Variants in MAP2 observed in about 807,000 individuals in gnomAD.
MAP2 encodes the protein microtubule associated protein 2.
Under a neutral mutation model 137.6 loss-of-function variants are expected in MAP2, and 14 were observed. The observed-to-expected ratio is 0.10, with a 90% confidence interval of 0.07 to 0.16. The LOEUF is 0.16. Ranked by LOEUF, MAP2 falls within the 10% of genes least tolerant of loss-of-function variation. MAP2 has a pLI of 1.00. For synonymous variants in MAP2, 786 were observed against 782.3 expected, an observed-to-expected ratio of 1.00 and a Z score of -0.08; for missense variants, 2,088 against 2,191.5, an observed-to-expected ratio of 0.95 and a Z score of 0.94.
chr2:209,529,421 T>G (rs1051401529), intron 2 of MAP2, among the ~76,000 whole-genome samples: 2 of 152,176 alleles, frequency 1.3e-5, no homozygotes, highest in Non-Finnish European at 2.9e-5. Context: ...AGATGGTAAC[T>G]GAACCTGTCA....
Position 209,604,655 on chromosome 2 carries a change from A to G in MAP2, c.-106-20398A>G, listed in dbSNP as rs78623261. Among the ~76,000 whole-genome samples the G allele has an allele frequency of 5.1e-4, 78 of 152,298 alleles. 2 individuals carry two copies. The East Asian group carries it at 0.014, about 28-fold the overall frequency. ...AGTCTGTTTTATGGAGGTCTTTTCA[A>G]ATTGTACACATAGGCAGGCCCAAAC... is the stretch of plus-strand genomic sequence containing the variant. On this transcript the variant is annotated intron_variant, in intron 3 of 15. Coordinates refer to ENST00000682079, the MANE Select transcript of MAP2 (RefSeq NM_001375505.1).
At chr2:209,495,686 C>A (rs1239739872) in intron 1 of MAP2, among the ~76,000 whole-genome samples, 1 of 152,216 alleles carries the variant, frequency 6.6e-6, no homozygotes, top group Non-Finnish European at 1.5e-5. Context: ...AAAATAGTAT[C>A]TGCTGTGTTT....
At chr2:209,630,704 A>C (rs577869521) in intron 4 of MAP2, among the ~76,000 whole-genome samples, 2 of 152,096 alleles carry the variant, frequency 1.3e-5, no homozygotes, top group Non-Finnish European at 2.9e-5. Flanking sequence ...TTAGAAGAGC[A>C]GGGAGTATAG....
At chr2:209,435,377 G>A (rs1366166881) in intron 1 of MAP2, among the ~76,000 whole-genome samples, 2 of 151,800 alleles carry the variant, frequency 1.3e-5, no homozygotes, top group Non-Finnish European at 2.9e-5. Flanking sequence ...ATGAGTGTGT[G>A]TAGGTTTGGA....
intron 7 of MAP2, among the ~76,000 whole-genome samples, chr2:209,688,871 A>C (rs2057981762): frequency 6.6e-6 from 1 of 152,242 alleles, no homozygotes; most frequent in Non-Finnish European, 1.5e-5. Flanking sequence ...TGGTCATCAT[A>C]ATAAACGTCT....
chr2:209,498,147 A>C (rs1005549643), intron 1 of MAP2, among the ~76,000 whole-genome samples: 2 of 152,222 alleles, frequency 1.3e-5, no homozygotes, highest in African/African-American at 4.8e-5. Flanking sequence ...TTGATATTCC[A>C]AAAGGAAGAA....
At chr2:209,447,210 T>A (rs1699282274) in intron 1 of MAP2, among the ~76,000 whole-genome samples, 1 of 152,004 alleles carries the variant, frequency 6.6e-6, no homozygotes, top group African/African-American at 2.4e-5. Context: ...CAAGTGACAT[T>A]TCATTAAATT....
At chr2:209,467,887 A>G (rs1704551950) in intron 1 of MAP2, among the ~76,000 whole-genome samples, 1 of 152,190 alleles carries the variant, frequency 6.6e-6, no homozygotes, top group Non-Finnish European at 1.5e-5. Flanking sequence ...TGGTATGACG[A>G]TTATATTAAA....
intron 1 of MAP2, among the ~76,000 whole-genome samples, chr2:209,434,439 T>C (rs1695155327): frequency 6.6e-6 from 1 of 151,972 alleles, no homozygotes; most frequent in Non-Finnish European, 1.5e-5. Context: ...TGTTTAAGCC[T>C]CTTTCCTTGA....
At position 209,583,514 on chromosome 2, in the gene MAP2, A is replaced by G. The variant is rs1400722931; in HGVS notation, c.-107+3414A>G. On this transcript the variant is annotated intron_variant, in intron 3 of 15. Coordinates refer to ENST00000682079, the MANE Select transcript of MAP2 (RefSeq NM_001375505.1). ...TTTAAAGTGAAATAATGGCAGAAGAATGTTCAAGTGACCAAAATAAAGAAA... is the reference window on the plus strand; with the variant it reads ...TTTAAAGTGAAATAATGGCAGAAGAGTGTTCAAGTGACCAAAATAAAGAAA... Among the ~76,000 whole-genome samples the G allele has an allele frequency of 2.0e-5, 3 of 152,008 alleles. No homozygotes were observed. In the East Asian group the frequency reaches 5.8e-4, roughly 29 times the overall value.
intron 2 of MAP2, among the ~76,000 whole-genome samples, chr2:209,562,376 A>T (rs2072323910): frequency 2.0e-5 from 3 of 150,606 alleles, no homozygotes; most frequent in Admixed American, 2.0e-4. Flanking sequence ...GTAGCTACAC[A>T]CTGGGGGTGT....
intron 3 of MAP2, among the ~76,000 whole-genome samples, chr2:209,605,450 T>C (rs543527758): frequency 2.6e-5 from 4 of 152,292 alleles, no homozygotes; most frequent in African/African-American, 7.2e-5. Context: ...TTAGATCTTA[T>C]AAAAATAAGG....
chr2:209,496,101 G>A (rs1309952414), intron 1 of MAP2, among the ~76,000 whole-genome samples: 2 of 152,144 alleles, frequency 1.3e-5, no homozygotes, highest in African/African-American at 4.8e-5. Flanking sequence ...TTCCTATGAT[G>A]TTTTGTATGA....
chr2:209,648,104 A>ATT (rs200480350), intron 4 of MAP2, among the ~76,000 whole-genome samples: 1 of 141,848 alleles, frequency 7.0e-6, no homozygotes. Flanking sequence ...AACGTCTTGG[A>ATT]TTTTTTTTTT....
chr2:209,531,965 A>G (rs968103671), intron 2 of MAP2, among the ~76,000 whole-genome samples: 1 of 152,172 alleles, frequency 6.6e-6, no homozygotes, highest in Non-Finnish European at 1.5e-5. Flanking sequence ...TCAGCTAGGC[A>G]TGGTGGCTCA....
At chr2:209,444,764 T>C (rs1306365952) in intron 1 of MAP2, among the ~76,000 whole-genome samples, 3 of 151,622 alleles carry the variant, frequency 2.0e-5, no homozygotes, top group African/African-American at 7.2e-5. Context: ...TTCAACCGTG[T>C]ATTCTTTGAG....
intron 1 of MAP2, among the ~76,000 whole-genome samples, chr2:209,465,074 GT>G (rs1288712844): frequency 2.0e-5 from 3 of 152,104 alleles, no homozygotes; most frequent in South Asian, 2.1e-4. Flanking sequence ...GGGCATTTTA[GT>G]TTTTTTCCAA....
intron 11 of MAP2, among the ~76,000 whole-genome samples, chr2:209,702,924 T>A (rs975807445): frequency 2.0e-5 from 3 of 152,088 alleles, no homozygotes; most frequent in Admixed American, 6.6e-5. Context: ...TCAAATTAAT[T>A]ATTTGAAGAT....
intron 2 of MAP2, among the ~76,000 whole-genome samples, chr2:209,529,490 G>A (rs2064762389): frequency 6.6e-6 from 1 of 152,042 alleles, no homozygotes; most frequent in Non-Finnish European, 1.5e-5. Flanking sequence ...GGAAATCATC[G>A]ATGTTACTGT....
Sources: gnomAD v4.1 joint callset for allele counts (sites outside exome capture counted in the v4.1 genomes callset) on GRCh38, gnomAD v4.1.1 for gene constraint, MANE v1.5 for transcripts, NCBI Gene and HGNC (gene_info 2026-07-23, HGNC 2026-07-21) for gene names.